Variants in ELF1 observed in about 807,000 individuals in gnomAD.
ELF1 encodes the protein ETS-related transcription factor Elf-1.
A neutral mutation model predicts 59.9 loss-of-function variants in ELF1; 24 were observed. That is an observed-to-expected ratio of 0.40 (90% CI 0.29 to 0.56). ELF1 has a LOEUF of 0.56. Ranked by LOEUF, ELF1 falls within the 20% of genes least tolerant of loss-of-function variation. The pLI, the probability that ELF1 is intolerant of heterozygous loss-of-function variation, is 0.44. For missense variants in ELF1, 627 were observed against 742.2 expected, an observed-to-expected ratio of 0.84 and a Z score of 1.80; for synonymous variants, 248 against 266.2, an observed-to-expected ratio of 0.93 and a Z score of 0.67.
chr13:40,941,238 T>A lies in ELF1; in HGVS notation c.939A>T (p.Pro313=). ...TTGAAGTGGCTGATGAAGATAGCGA[T>A]GGATCTGAAGACTCTATGCTGGAAC... ...DPSSSIESSD[P]SLSSSATSNR... The change falls in exon 8 of 9, where the codon CCA becomes CCT. Residue 313 remains proline (P), a synonymous_variant. Transcript: ENST00000239882. 6.2e-7 allele frequency: 1 copy of A among 1,614,214 alleles called. No individual in the cohort carries two copies.
intron 5 of ELF1, among the ~76,000 whole-genome samples, chr13:40,948,870 C>A (rs951728008): frequency 1.3e-5 from 2 of 152,182 alleles, no homozygotes; most frequent in Non-Finnish European, 2.9e-5. Context: ...AGGAAGCTGA[C>A]TAGACCTTAC....
rs1465391409 is a variant in ELF1 at position 41,018,711 on chromosome 13, G to A, written c.-229+517C>T. On this transcript the variant is annotated intron_variant, in intron 1 of 8. Transcript: ENST00000239882. ...AATTTCATTAACTTTAAAAAACAGA[G>A]AGGGAGAAAAAAATAAATAAATAAC... Among the ~76,000 whole-genome samples the A allele has an allele frequency of 2.6e-5, 4 of 151,996 alleles. No homozygotes were observed. In the South Asian group the frequency reaches 8.3e-4, roughly 32 times the overall value.
intron 1 of ELF1, among the ~76,000 whole-genome samples, chr13:40,987,047 T>C (rs2138288558): frequency 6.7e-6 from 1 of 149,166 alleles, no homozygotes; most frequent in South Asian, 2.2e-4. Flanking sequence ...GCCATTCTCC[T>C]GCCTCAGCCT....
intron 3 of ELF1, among the ~76,000 whole-genome samples, chr13:40,955,134 ACCG>A (rs1306818465): frequency 6.8e-6 from 1 of 146,738 alleles, no homozygotes; most frequent in Non-Finnish European, 1.5e-5. Context: ...CTGCCTGGCA[ACCG>A]CCGCGTCTGA....
chr13:40,982,711 A>G (rs1873349587), intron 1 of ELF1: 2 of 283,168 alleles, frequency 7.1e-6, no homozygotes, highest in Non-Finnish European at 1.1e-5. Context: ...TTCACCTTTA[A>G]GAGGATTTAT....
chr13:40,982,408 C>T (rs181668295), intron 1 of ELF1, 126 bp from the exon 2 acceptor site: 63 of 501,884 alleles, frequency 1.3e-4, no homozygotes, highest in African/African-American at 1.1e-3. Context: ...AAAATCGACA[C>T]GACTAATGCA....
chr13:41,005,792 A>T (rs1193481005), intron 1 of ELF1, among the ~76,000 whole-genome samples: 1 of 149,990 alleles, frequency 6.7e-6, no homozygotes, highest in Non-Finnish European at 1.5e-5. Flanking sequence ...CTCACCTTTC[A>T]CCATGCCAAG....
chr13:40,965,799 G>A, intron 2 of ELF1, among the ~76,000 whole-genome samples: 1 of 152,118 alleles, frequency 6.6e-6, no homozygotes, highest in South Asian at 2.1e-4. Flanking sequence ...TTTGCATCAT[G>A]AAATCTAATT....
At chr13:41,002,584 TAA>T (rs749504259) in intron 1 of ELF1, among the ~76,000 whole-genome samples, 30 of 116,972 alleles carry the variant, frequency 2.6e-4, no homozygotes, top group Admixed American at 3.5e-4. Flanking sequence ...GACCTTACCT[TAA>T]AAAAAAAAAA....
intron 3 of ELF1, among the ~76,000 whole-genome samples, chr13:40,954,692 C>T (rs1230549237): frequency 2.6e-5 from 4 of 152,192 alleles, no homozygotes; most frequent in African/African-American, 9.6e-5. Flanking sequence ...GCGAGTGATC[C>T]GCCAGCCTCG....
At chr13:41,001,344 T>C (rs1874433611) in intron 1 of ELF1, among the ~76,000 whole-genome samples, 1 of 152,056 alleles carries the variant, frequency 6.6e-6, no homozygotes, top group South Asian at 2.1e-4. Context: ...TCCCAACACC[T>C]TGAGATGCCA....
Position 40,932,582 on chromosome 13 carries a change from T to C in ELF1, c.*843A>G, listed in dbSNP as rs1000720273. 1 of 152,210 alleles carries C rather than the reference T, an allele frequency of 6.6e-6. No homozygotes were observed. The highest frequency in any genetic ancestry group is 2.4e-5 in the African/African-American group (1 of 41,458). The allele number at this position is 152,210 out of a possible 1,614,324, so 9.4% of individuals were successfully genotyped here. The stretch of plus-strand genomic sequence containing the variant: ...AAGAATTTATGGCAGATCTTACCCA[T>C]AACAGATGAATAAATTTTGTTGGGT... On this transcript the variant is annotated 3_prime_UTR_variant, in exon 9 of 9. Transcript: ENST00000239882.
intron 2 of ELF1, among the ~76,000 whole-genome samples, chr13:40,967,780 G>A (rs893160444): frequency 8.6e-5 from 13 of 150,626 alleles, no homozygotes; most frequent in South Asian, 4.2e-4. Context: ...TTGTAGAGAT[G>A]AGGTCTCTCT....
intron 4 of ELF1, 87 bp from the exon 5 acceptor site, chr13:40,950,060 C>G (rs1870756783): frequency 8.5e-7 from 1 of 1,177,480 alleles, no homozygotes; most frequent in South Asian, 1.7e-5. Flanking sequence ...TCTATTATGA[C>G]TAGAAGATTA....
chr13:40,996,871 G>T (rs1427169854), intron 1 of ELF1, among the ~76,000 whole-genome samples: 2 of 150,928 alleles, frequency 1.3e-5, no homozygotes, highest in Admixed American at 6.6e-5. Flanking sequence ...GCATTTTATA[G>T]TTCCCCAACT....
In ELF1 at chr13:40,983,052, G is replaced by A. The variant is rs143534366; in HGVS notation, c.-228-770C>T. ...TTAGTAGTGAAAACAATTTCACAGCGAAGGGACAAAGGCTTTTAAAATGTC... is the reference window on the plus strand; with the variant it reads ...TTAGTAGTGAAAACAATTTCACAGCAAAGGGACAAAGGCTTTTAAAATGTC... On this transcript the variant is annotated intron_variant, in intron 1 of 8. Coordinates refer to ENST00000239882, the MANE Select transcript of ELF1 (RefSeq NM_172373.4). Among the ~76,000 whole-genome samples the A allele has an allele frequency of 5.0e-3, 760 of 152,224 alleles. 10 individuals carry two copies. The highest frequency in any genetic ancestry group is 0.017 in the African/African-American group (711 of 41,528).
At chr13:40,967,189 A>G (rs1294061901) in intron 2 of ELF1, among the ~76,000 whole-genome samples, 1 of 152,212 alleles carries the variant, frequency 6.6e-6, no homozygotes, top group African/African-American at 2.4e-5. Flanking sequence ...TTTACATTTG[A>G]TTTAAAAAAC....
At chr13:40,996,247 A>G (rs965387576) in intron 1 of ELF1, among the ~76,000 whole-genome samples, 1 of 151,670 alleles carries the variant, frequency 6.6e-6, no homozygotes, top group Non-Finnish European at 1.5e-5. Flanking sequence ...ACTTTGGAAG[A>G]CAGTTTGGCA....
Position 40,940,939 on chromosome 13 carries a change from G to A in ELF1, c.1238C>T (p.Ser413Phe), listed in dbSNP as rs1870117446. The change falls in exon 8 of 9, where the codon TCT becomes TTT. Residue 413 changes from serine (S) to phenylalanine (F), a missense_variant. Ser to Phe is a radical substitution (Grantham distance 155). Coordinates refer to ENST00000239882, the MANE Select transcript of ELF1 (RefSeq NM_172373.4). ...TSTMQDETLN[S>F]SVQSIRTIQA... ...TTCTCACCTAATACTCTGAACGGAA[G>A]AATTTAATGTTTCATCCTGCATGGT... 1.9e-6 allele frequency: 3 copies of A among 1,612,832 alleles called. No individual in the cohort carries two copies. The highest frequency in any genetic ancestry group is 2.2e-5 in the South Asian group (2 of 90,946).
Sources: gnomAD v4.1 joint callset for allele counts (sites outside exome capture counted in the v4.1 genomes callset) on GRCh38, gnomAD v4.1.1 for gene constraint, MANE v1.5 for transcripts, NCBI Gene and HGNC (gene_info 2026-07-23, HGNC 2026-07-21) for gene names.